COMMD10: variants seen among roughly 807,000 people sequenced by gnomAD.
COMMD10 encodes COMM domain containing 10, also known as COMM domain-containing protein 10.
COMMD10 carries 33 observed loss-of-function variants against 28.9 expected under a neutral mutation model. The observed-to-expected ratio is 1.14, with a 90% CI of 0.87 to 1.53. COMMD10 has a LOEUF of 1.53. COMMD10 is among the 40% of genes most tolerant of loss of function. The pLI is 0.00. For synonymous variants in COMMD10, 110 were observed against 81.7 expected (o/e 1.35, Z -1.87); for missense variants, 310 against 233.4 (o/e 1.33, Z -2.14).
At chr5:116,166,382 A>G (rs915657631) in intron 5 of COMMD10, among the ~76,000 whole-genome samples, 2 of 152,188 alleles carry the variant, frequency 1.3e-5, no homozygotes, top group Non-Finnish European at 2.9e-5. Flanking sequence ...CTCCATAGAC[A>G]AGCACTCTAG....
chr5:116,127,773 T>C (rs1004128579), intron 4 of COMMD10, among the ~76,000 whole-genome samples: 13 of 151,982 alleles, frequency 8.6e-5, no homozygotes, highest in African/African-American at 2.9e-4. Flanking sequence ...CTGGGGCCTG[T>C]CTTGTGGTGG....
intron 4 of COMMD10, among the ~76,000 whole-genome samples, chr5:116,126,365 A>T (rs1373664959): frequency 6.6e-6 from 1 of 152,180 alleles, no homozygotes; most frequent in Non-Finnish European, 1.5e-5. Context: ...TAATTTATAG[A>T]TTCAATGCCA....
chr5:116,262,028 C>A (rs1230630576), intron 5 of COMMD10, among the ~76,000 whole-genome samples: 2 of 151,638 alleles, frequency 1.3e-5, no homozygotes, highest in African/African-American at 2.4e-5. Context: ...TTTCCACTTT[C>A]AGATAAAGAA....
chr5:116,164,471 T>G (rs1753026872), intron 5 of COMMD10, among the ~76,000 whole-genome samples: 1 of 152,224 alleles, frequency 6.6e-6, no homozygotes, highest in African/African-American at 2.4e-5. Flanking sequence ...TTTCATTGGT[T>G]TAGAGAAGTC....
chr5:116,104,336 G>C (rs753381674), intron 4 of COMMD10, among the ~76,000 whole-genome samples: 29 of 152,136 alleles, frequency 1.9e-4, no homozygotes, highest in Non-Finnish European at 4.1e-4. Context: ...GCAGTGATTT[G>C]TAGTTCTCCT....
chr5:116,130,215 G>A (rs904752296), intron 4 of COMMD10, among the ~76,000 whole-genome samples: 34 of 151,796 alleles, frequency 2.2e-4, no homozygotes, highest in Non-Finnish European at 4.4e-4. Context: ...CTGTATGCGG[G>A]ACATTATTTT....
intron 4 of COMMD10, among the ~76,000 whole-genome samples, chr5:116,111,780 G>A (rs1466963333): frequency 6.6e-6 from 1 of 152,178 alleles, no homozygotes; most frequent in Non-Finnish European, 1.5e-5. Context: ...ATAAATGTGT[G>A]TTAGGTACAT....
At chr5:116,119,607 T>C (rs534037426) in intron 4 of COMMD10, among the ~76,000 whole-genome samples, 2 of 152,248 alleles carry the variant, frequency 1.3e-5, no homozygotes, top group South Asian at 2.1e-4. Context: ...TGGCATCTTA[T>C]TATTTTTTTT....
intron 5 of COMMD10, among the ~76,000 whole-genome samples, chr5:116,136,695 C>T (rs1377088459): frequency 6.6e-6 from 1 of 152,170 alleles, no homozygotes; most frequent in Non-Finnish European, 1.5e-5. Context: ...TGAAATCTAA[C>T]TCATTTGAAA....
chr5:116,176,589 C>G lies in COMMD10; in HGVS notation c.510+42411C>G, dbSNP rs555392270. Among the ~76,000 whole-genome samples, 4 of 152,104 alleles carry G rather than the reference C, an allele frequency of 2.6e-5. No homozygotes were observed. The East Asian group carries it at 7.7e-4, about 29-fold the overall frequency. On this transcript the variant is annotated intron_variant, in intron 5 of 6. Coordinates refer to ENST00000274458, the MANE Select transcript of COMMD10 (RefSeq NM_016144.4). ...GTTATTTTCCTATATGTTTTACTTT[C>G]TCATGTATATAAAATTCATATTTTA...
rs758366573 is a variant in COMMD10 at position 116,134,192 on chromosome 5, TC to T, written c.510+17del. On this transcript the variant is annotated intron_variant, in intron 5 of 6. Transcript: ENST00000274458. Reference sequence around the variant, plus strand: ...GAAGATTCAAAGGTAAGAAATGGTATCCCATTAAAAGGATGTATTTTGTTTG... The same window carrying T: ...GAAGATTCAAAGGTAAGAAATGGTATCCATTAAAAGGATGTATTTTGTTTG... 1.3e-5 allele frequency: 19 copies of T among 1,428,604 alleles called. No individual in the cohort carries two copies. The African/African-American group carries it at 2.6e-4, about 20-fold the overall frequency. 88.5% of individuals were successfully genotyped at this position (1,428,604 alleles called of 1,614,324 possible).
At chr5:116,152,371 T>C (rs1322056903) in intron 5 of COMMD10, among the ~76,000 whole-genome samples, 1 of 152,094 alleles carries the variant, frequency 6.6e-6, no homozygotes. Context: ...CACAGTGACC[T>C]TTCAGAGAGT....
chr5:116,146,165 C>A (rs1291528726), intron 5 of COMMD10, among the ~76,000 whole-genome samples: 1 of 151,806 alleles, frequency 6.6e-6, no homozygotes, highest in African/African-American at 2.4e-5. Flanking sequence ...TTTTGCGAAC[C>A]TTTACCCTGC....
chr5:116,111,824 T>C (rs1751054069), intron 4 of COMMD10, among the ~76,000 whole-genome samples: 1 of 152,178 alleles, frequency 6.6e-6, no homozygotes. Flanking sequence ...CTGATGTTTG[T>C]TGATTTTATG....
At chr5:116,108,402 G>C (rs1750915320) in intron 4 of COMMD10, among the ~76,000 whole-genome samples, 1 of 150,990 alleles carries the variant, frequency 6.6e-6, no homozygotes, top group Non-Finnish European at 1.5e-5. Flanking sequence ...CTGGCAGTCT[G>C]GCTGCAGTGG....
intron 5 of COMMD10, among the ~76,000 whole-genome samples, chr5:116,281,889 T>G (rs1252544437): frequency 1.3e-5 from 2 of 152,032 alleles, no homozygotes; most frequent in East Asian, 3.9e-4. Flanking sequence ...TCAGGCTACC[T>G]CTGTTTTCAT....
chr5:116,233,437 AAC>A (rs1324633075), intron 5 of COMMD10, among the ~76,000 whole-genome samples: 3 of 152,140 alleles, frequency 2.0e-5, no homozygotes, highest in Non-Finnish European at 2.9e-5. Flanking sequence ...GATAAGGGGG[AAC>A]TATACATAAC....
chr5:116,190,141 C>T (rs958743156), intron 5 of COMMD10, among the ~76,000 whole-genome samples: 1 of 152,086 alleles, frequency 6.6e-6, no homozygotes, highest in African/African-American at 2.4e-5. Flanking sequence ...GCACCACAGC[C>T]TCACACATCA....
chr5:116,291,378 G>T (rs1751355592), intron 5 of COMMD10, 139 bp from the exon 6 acceptor site: 1 of 611,580 alleles, frequency 1.6e-6, no homozygotes, highest in East Asian at 3.1e-5. Flanking sequence ...GGAATCATGG[G>T]GTTGAGTAGA....
Sources: gnomAD v4.1 joint callset for allele counts (sites outside exome capture counted in the v4.1 genomes callset) on GRCh38, gnomAD v4.1.1 for gene constraint, MANE v1.5 for transcripts, NCBI Gene and HGNC (gene_info 2026-07-23, HGNC 2026-07-21) for gene names.